Variants in C1orf94 observed in about 807,000 individuals in gnomAD.
C1orf94 encodes the protein chromosome 1 open reading frame 94.
C1orf94 carries 45 observed loss-of-function variants against 53.6 expected under a neutral mutation model. That is an observed-to-expected ratio of 0.84 (90% CI 0.66 to 1.08). The LOEUF is 1.08. Among genes scored for constraint, C1orf94 ranks in the 50% least tolerant of loss-of-function variants. C1orf94 has a pLI of 0.00. For missense variants in C1orf94, 762 were observed against 738.9 expected, an observed-to-expected ratio of 1.03 and a Z score of -0.36; for synonymous variants, 304 against 296.1, an observed-to-expected ratio of 1.03 and a Z score of -0.27.
At chr1:34,207,561 G>A (rs896449979) in intron 4 of C1orf94, among the ~76,000 whole-genome samples, 1 of 152,142 alleles carries the variant, frequency 6.6e-6, no homozygotes, top group Admixed American at 6.5e-5. Context: ...TAGATACACA[G>A]CAACACTAAC....
At chr1:34,180,896 A>G (rs1275733219) in intron 1 of C1orf94, among the ~76,000 whole-genome samples, 1 of 152,146 alleles carries the variant, frequency 6.6e-6, no homozygotes, top group Non-Finnish European at 1.5e-5. Context: ...GAACCTAGAC[A>G]TTTCAAATTT....
At position 34,214,292 on chromosome 1, in the gene C1orf94, G is replaced by C. The variant is rs144400910; in HGVS notation, c.1721+1886G>C. Among the ~76,000 whole-genome samples the C allele has an allele frequency of 1.6e-3, 238 of 152,296 alleles. 1 individual carries two copies. The highest frequency in any genetic ancestry group is 3.7e-3 in the East Asian group (19 of 5,176). On this transcript the variant is annotated intron_variant, in intron 6 of 6. Transcript: ENST00000488417. ...ATAAAGGAGTCTGGCTGAAGAATTAGATTTGTCTCTGAAAAAGGTGGAAAA... is the reference window on the plus strand; with the variant it reads ...ATAAAGGAGTCTGGCTGAAGAATTACATTTGTCTCTGAAAAAGGTGGAAAA...
chr1:34,200,225 G>A (rs1199415750), intron 2 of C1orf94, among the ~76,000 whole-genome samples: 4 of 152,218 alleles, frequency 2.6e-5, no homozygotes, highest in African/African-American at 9.6e-5. Context: ...CTGTAAGAAT[G>A]TGTGACTCCT....
At chr1:34,187,765 A>ACCC (rs1557479575) in intron 1 of C1orf94, among the ~76,000 whole-genome samples, 30 of 20,698 alleles carry the variant, frequency 1.4e-3, no homozygotes, top group South Asian at 2.8e-3. Context: ...CACTGAATCC[A>ACCC]CCCACCCCCC....
chr1:34,188,847 C>A (rs774150205), intron 1 of C1orf94, among the ~76,000 whole-genome samples: 1 of 152,116 alleles, frequency 6.6e-6, no homozygotes, highest in Non-Finnish European at 1.5e-5. Context: ...CTTTGGGACA[C>A]GGGTTCACAA....
At chr1:34,173,503 A>G (rs1036479721), upstream of C1orf94, among the ~76,000 whole-genome samples, 1 of 152,178 alleles carries the variant, frequency 6.6e-6, no homozygotes. Flanking sequence ...CTTTGACTGG[A>G]TGGGAGGTAA....
chr1:34,201,333 G>T (rs146740141), intron 3 of C1orf94, among the ~76,000 whole-genome samples: 2 of 152,256 alleles, frequency 1.3e-5, no homozygotes, highest in Non-Finnish European at 2.9e-5. Flanking sequence ...CAAAACAAAA[G>T]ATCCTTGCTT....
At chr1:34,185,373 T>A (rs1351450800) in intron 1 of C1orf94, among the ~76,000 whole-genome samples, 1 of 152,004 alleles carries the variant, frequency 6.6e-6, no homozygotes, top group Non-Finnish European at 1.5e-5. Flanking sequence ...AGAGACAGGG[T>A]TTCACCATAT....
chr1:34,212,586 A>G (rs530947142), intron 6 of C1orf94, among the ~76,000 whole-genome samples, 180 bp downstream of exon 6: 149 of 152,206 alleles, frequency 9.8e-4, no homozygotes, highest in Non-Finnish European at 1.7e-3. Flanking sequence ...GCAGAGATGA[A>G]GAGGGTCTGG....
At chr1:34,171,817 C>T (rs1193968490) in intron 1 of C1orf94, among the ~76,000 whole-genome samples, 3 of 152,172 alleles carry the variant, frequency 2.0e-5, no homozygotes, top group Admixed American at 2.0e-4. Flanking sequence ...ACTCTGCCAC[C>T]CGACGTGTTT....
intron 1 of C1orf94, among the ~76,000 whole-genome samples, chr1:34,187,191 C>T (rs925873667): frequency 6.6e-6 from 1 of 152,126 alleles, no homozygotes; most frequent in Non-Finnish European, 1.5e-5. Context: ...AGCAACCCTT[C>T]CCAGTAAAAG....
chr1:34,184,815 G>A (rs929660080), intron 1 of C1orf94, among the ~76,000 whole-genome samples: 1 of 152,036 alleles, frequency 6.6e-6, no homozygotes, highest in Non-Finnish European at 1.5e-5. Context: ...GGAATACATA[G>A]CCTCTTTTGT....
intron 2 of C1orf94, among the ~76,000 whole-genome samples, chr1:34,198,564 T>C (rs1162749595): frequency 6.6e-6 from 1 of 152,228 alleles, no homozygotes; most frequent in African/African-American, 2.4e-5. Flanking sequence ...AGTCAGACTA[T>C]ATGGTTCCAA....
At chr1:34,203,302 T>G (rs908761514) in intron 4 of C1orf94, among the ~76,000 whole-genome samples, 1 of 152,216 alleles carries the variant, frequency 6.6e-6, no homozygotes, top group Non-Finnish European at 1.5e-5. Flanking sequence ...AATTTTTGTA[T>G]TTTTAGTAGA....
At chr1:34,173,889 A>G (rs1238203292), upstream of C1orf94, among the ~76,000 whole-genome samples, 1 of 152,218 alleles carries the variant, frequency 6.6e-6, no homozygotes, top group African/African-American at 2.4e-5. Context: ...TCACTACTCT[A>G]TCTTCAGCAC....
At chr1:34,212,857 G>T (rs546767898) in intron 6 of C1orf94, among the ~76,000 whole-genome samples, 1 of 152,070 alleles carries the variant, frequency 6.6e-6, no homozygotes, top group Non-Finnish European at 1.5e-5. Flanking sequence ...TGGGCCCTGC[G>T]GAAGAGCCTT....
At chr1:34,185,486 T>G (rs1642371825) in intron 1 of C1orf94, among the ~76,000 whole-genome samples, 1 of 152,070 alleles carries the variant, frequency 6.6e-6, no homozygotes, top group Non-Finnish European at 1.5e-5. Flanking sequence ...AGCCTTTCCC[T>G]CTCTTGAGCT....
At chr1:34,168,686 TG>T (rs1291416287) in intron 1 of C1orf94, among the ~76,000 whole-genome samples, 2 of 152,222 alleles carry the variant, frequency 1.3e-5, no homozygotes, top group Non-Finnish European at 1.5e-5. Flanking sequence ...GGCTTGTAGA[TG>T]GCTGCCTTCT....
chr1:34,168,469 TC>T (rs1642086615), intron 1 of C1orf94, among the ~76,000 whole-genome samples: 1 of 151,516 alleles, frequency 6.6e-6, no homozygotes, highest in Non-Finnish European at 1.5e-5. Flanking sequence ...TCACATAGGG[TC>T]TATTAGGGGA....
Sources: gnomAD v4.1 joint callset for allele counts (sites outside exome capture counted in the v4.1 genomes callset) on GRCh38, gnomAD v4.1.1 for gene constraint, MANE v1.5 for transcripts, NCBI Gene and HGNC (gene_info 2026-07-23, HGNC 2026-07-21) for gene names.